Variants in GOLGA1 observed in about 807,000 individuals in gnomAD.
GOLGA1 encodes golgin A1.
In GOLGA1, 63 loss-of-function variants were observed where a neutral mutation model predicts 119.7. The observed-to-expected ratio is 0.53, with a 90% CI of 0.43 to 0.65. The LOEUF (loss-of-function observed/expected upper bound fraction) is 0.65, where lower values mean the gene tolerates loss of function less well. GOLGA1 is among the 30% of genes least tolerant of loss of function. The pLI, the probability that GOLGA1 is intolerant of heterozygous loss-of-function variation, is 0.00. For synonymous variants in GOLGA1, 318 were observed against 333.4 expected, an observed-to-expected ratio of 0.95 and a Z score of 0.50; for missense variants, 798 against 912.8, an observed-to-expected ratio of 0.87 and a Z score of 1.62.
intron 19 of GOLGA1, among the ~76,000 whole-genome samples, chr9:124,886,162 A>G (rs1489169239): frequency 6.6e-6 from 1 of 152,192 alleles, no homozygotes; most frequent in Non-Finnish European, 1.5e-5. Context: ...GCTCATGTGG[A>G]GACAGGTTTG....
chr9:124,898,383 A>G (rs766091281), intron 15 of GOLGA1, among the ~76,000 whole-genome samples, 166 bp downstream of exon 15: 21 of 152,232 alleles, frequency 1.4e-4, no homozygotes, highest in Non-Finnish European at 2.9e-4. Context: ...TGGATCCCTG[A>G]GAGAACTTAA....
intron 3 of GOLGA1, among the ~76,000 whole-genome samples, chr9:124,938,314 A>G (rs961549177): frequency 6.6e-6 from 1 of 152,190 alleles, no homozygotes; most frequent in Non-Finnish European, 1.5e-5. Flanking sequence ...TGTATAAGGT[A>G]TATAGACGGA....
At chr9:124,920,918 G>A (rs1341416780) in intron 10 of GOLGA1, among the ~76,000 whole-genome samples, 1 of 151,092 alleles carries the variant, frequency 6.6e-6, no homozygotes, top group East Asian at 1.9e-4. Context: ...GAGAATTCCT[G>A]ACAGGAAAAT....
intron 11 of GOLGA1, among the ~76,000 whole-genome samples, chr9:124,910,181 G>A (rs1251958381): frequency 2.0e-5 from 3 of 151,896 alleles, no homozygotes; most frequent in East Asian, 3.9e-4. Context: ...CGCCCGCCTC[G>A]GCCTCCCAAA....
intron 16 of GOLGA1, among the ~76,000 whole-genome samples, chr9:124,889,917 C>T (rs139645209): frequency 7.6e-4 from 115 of 152,298 alleles, no homozygotes; most frequent in African/African-American, 2.7e-3. Context: ...AAGTAGAAGG[C>T]TAGAGTCCTC....
chr9:124,947,232 C>T (rs1831159408), intron 1 of GOLGA1: 1 of 152,096 alleles, frequency 6.6e-6, no homozygotes, highest in East Asian at 1.9e-4. Context: ...ACATAATTTA[C>T]TACTCAGTAA....
chr9:124,899,927 C>T (rs1459612122), intron 13 of GOLGA1, among the ~76,000 whole-genome samples: 1 of 152,236 alleles, frequency 6.6e-6, no homozygotes, highest in Non-Finnish European at 1.5e-5. Context: ...GAGCTTGCCT[C>T]GTCTACAGGA....
intron 7 of GOLGA1, among the ~76,000 whole-genome samples, chr9:124,925,812 C>A (rs2131504685): frequency 6.6e-6 from 1 of 152,254 alleles, no homozygotes; most frequent in Admixed American, 6.5e-5. Flanking sequence ...ATAGTTGACA[C>A]TAATGATTAT....
At chr9:124,885,440 A>G (rs112310797) in intron 19 of GOLGA1, among the ~76,000 whole-genome samples, 3,124 of 150,514 alleles carry the variant, frequency 0.021, 103 homozygotes, top group African/African-American at 0.072. Context: ...AGCCAAGATC[A>G]CGCCATTGCA....
Position 124,923,166 on chromosome 9 carries a change from A to G in GOLGA1, c.490T>C (p.Phe164Leu), listed in dbSNP as rs770072209. ...QEMKNQSMNL[F>L]QRRDEMDELE... ...TCATCCATTTCATCTCTCCTTTGGAAAAGATTCATACTCTGGTTCTTCATT... is the reference window on the plus strand; with the variant it reads ...TCATCCATTTCATCTCTCCTTTGGAGAAGATTCATACTCTGGTTCTTCATT... The change falls in exon 8 of 23, where the codon TTC becomes CTC. Residue 164 changes from phenylalanine to leucine, a missense_variant. Coordinates refer to ENST00000373555, the MANE Select transcript of GOLGA1 (RefSeq NM_002077.4). 8.7e-6 allele frequency: 14 copies of G among 1,600,160 alleles called. No homozygotes were observed. Among genetic ancestry groups the G allele is most frequent in the Admixed American group, 3.4e-5 (2 of 59,558 alleles).
At chr9:124,890,589 T>G in intron 15 of GOLGA1, 111 bp from the exon 16 acceptor site, 1 of 799,988 alleles carries the variant, frequency 1.3e-6, no homozygotes, top group Non-Finnish European at 2.2e-6. Flanking sequence ...CAGACCAACA[T>G]GCTCCCCACT....
intron 15 of GOLGA1, among the ~76,000 whole-genome samples, chr9:124,897,384 AC>A (rs374049429): frequency 1.4e-4 from 22 of 152,242 alleles, no homozygotes; most frequent in African/African-American, 5.1e-4. Flanking sequence ...TCACTCTGTC[AC>A]CCAGGCTGGA....
chr9:124,899,499 G>C, intron 13 of GOLGA1, 21 bp from the exon 14 acceptor site: 2 of 1,539,562 alleles, frequency 1.3e-6, no homozygotes, highest in Non-Finnish European at 1.7e-6. Flanking sequence ...ACCAAAGGAC[G>C]GTCAGTCAGG....
chr9:124,899,353 G>T lies in GOLGA1; in HGVS notation c.1287C>A (p.Asp429Glu), dbSNP rs1288450905. 13 of 1,549,424 alleles carry T rather than the reference G, an allele frequency of 8.4e-6. No homozygotes were observed. The South Asian group carries it at 1.4e-4, about 17-fold the overall frequency. ...CCATCCCTTGCTCTGCGGTGGTCTG[G>T]TCAGCTGCCCGCGTTCTCTCCAGGG... is the stretch of plus-strand genomic sequence containing the variant. The part of the protein sequence containing the change: ...IVALERTRAA[D>E]QTTAEQGMRQ... Residue 429 changes from aspartate (D) to glutamate (E), a missense_variant, in exon 14 of 23, where the codon GAC becomes GAA. Physicochemically the swap from Asp to Glu is conservative, Grantham distance 45. Transcript: ENST00000373555.
At chr9:124,882,431 C>T (rs747400521) in intron 20 of GOLGA1, 79 bp downstream of exon 20, 34 of 1,026,720 alleles carry the variant, frequency 3.3e-5, no homozygotes, top group Admixed American at 7.6e-5. Flanking sequence ...AGTCAGGCGG[C>T]GAGGGACCTC....
Position 124,938,592 on chromosome 9 carries a change from G to A in GOLGA1, c.120C>T (p.Asp40=). ...AGGTACTTACAAAGTCATCTCCTGA[G>A]TCAGCTCCCATTGAGGCAACTGATT... The part of the protein sequence containing the change: ...SKESVASMGA[D]SGDDFASDGS... Residue 40 remains aspartate (D), a synonymous_variant, in exon 3 of 23, where the codon GAC becomes GAT. Coordinates refer to ENST00000373555, the MANE Select transcript of GOLGA1 (RefSeq NM_002077.4). 6.2e-7 allele frequency: 1 copy of A among 1,612,686 alleles called. No individual in the cohort carries two copies. The highest frequency in any genetic ancestry group is 8.5e-7 in the Non-Finnish European group (1 of 1,178,818).
At chr9:124,917,793 T>C (rs1588084839) in intron 10 of GOLGA1, among the ~76,000 whole-genome samples, 1 of 152,192 alleles carries the variant, frequency 6.6e-6, no homozygotes, top group East Asian at 1.9e-4. Flanking sequence ...GCCTGAGCAC[T>C]GTATCGAGTG....
chr9:124,919,866 A>G (rs189494035), intron 10 of GOLGA1, among the ~76,000 whole-genome samples: 13 of 149,678 alleles, frequency 8.7e-5, no homozygotes, highest in Admixed American at 7.3e-4. Context: ...ACAATCATAC[A>G]ATACGAGTTG....
At chr9:124,909,575 C>G (rs571987180) in intron 11 of GOLGA1, among the ~76,000 whole-genome samples, 6 of 144,294 alleles carry the variant, frequency 4.2e-5, no homozygotes, top group Non-Finnish European at 6.0e-5. Flanking sequence ...CGCCACTGCA[C>G]TCTAGCCTGG....
Sources: allele counts gnomAD v4.1 joint callset (sites outside exome capture counted in the v4.1 genomes callset), GRCh38; gene constraint gnomAD v4.1.1; transcripts MANE v1.5; gene names NCBI Gene and HGNC (gene_info 2026-07-23, HGNC 2026-07-21).